Variants in PGBD4 observed in about 807,000 individuals in gnomAD.
PGBD4 encodes the protein piggyBac transposable element derived 4.
PGBD4 carries 1 observed loss-of-function variant against 0.3 expected under a neutral mutation model. The observed-to-expected ratio is 3.72, with a 90% CI of 1.32 to 17.64. The LOEUF (loss-of-function observed/expected upper bound fraction) is 17.64. Among genes scored for constraint, PGBD4 ranks in the 30% most tolerant of loss-of-function variants. PGBD4 has a pLI of 0.11. For synonymous variants in PGBD4, 253 were observed against 267.7 expected, an observed-to-expected ratio of 0.95 and a Z score of 0.54; for missense variants, 624 against 719.7, an observed-to-expected ratio of 0.87 and a Z score of 1.52.
chr15:34,102,857 A>C lies in PGBD4; in HGVS notation c.326A>C (p.Glu109Ala), dbSNP rs752567144. The change falls in exon 1 of 1, where the codon GAA becomes GCA. Residue 109 changes from glutamate to alanine, a missense_variant. Transcript: ENST00000397766. The surrounding 1 kb of genome is among the most constrained non-coding windows in gnomAD (Gnocchi z 4.7). ...ATCACTGACCCATTGCAGTATTTTG[A>C]ACTGTTCTTTACTGAGGAATTAGTT... ...SDITDPLQYFELFFTEELVSK... is the reference protein window; with the variant it reads ...SDITDPLQYFALFFTEELVSK... 3 of 1,614,174 alleles carry C rather than the reference A, an allele frequency of 1.9e-6. No individual in the cohort carries two copies. In the Admixed American group the frequency reaches 5.0e-5, roughly 27 times the overall value.
Position 34,103,645 on chromosome 15 carries a change from G to A in PGBD4, c.1114G>A (p.Gly372Arg), listed in dbSNP as rs1359466459. 10 of 1,614,186 alleles carry A rather than the reference G, an allele frequency of 6.2e-6. No homozygotes were observed. Among genetic ancestry groups the A allele is most frequent in the Non-Finnish European group, 8.5e-6 (10 of 1,180,038 alleles). The change falls in exon 1 of 1, where the codon GGG becomes AGG. Residue 372 changes from glycine (G) to arginine (R), a missense_variant. Coordinates refer to ENST00000397766, the MANE Select transcript of PGBD4 (RefSeq NM_152595.5). The surrounding 1 kb of genome is among the most constrained non-coding windows in gnomAD (Gnocchi z 4.6). ...TGATCTGAAAAAAAGGATTGCAAAG[G>A]GGACGACTGTAGCCAGATTCTGTGG... ...PNDLKKRIAK[G>R]TTVARFCGEL...
chr15:34,104,526 CCA>C lies in PGBD4; in HGVS notation c.*238_*239del. 5 of 530,304 alleles carry C rather than the reference CCA, an allele frequency of 9.4e-6. No individual in the cohort carries two copies. The highest frequency in any genetic ancestry group is 4.8e-5 in the South Asian group (2 of 41,444). 32.8% of individuals were successfully genotyped at this position (530,304 alleles called of 1,614,324 possible). A position where few individuals can be genotyped will look rare whatever the true frequency, so the allele number is the denominator to read the frequency against. On this transcript the variant is annotated 3_prime_UTR_variant, in exon 1 of 1. Coordinates refer to ENST00000397766, the MANE Select transcript of PGBD4 (RefSeq NM_152595.5). Reference sequence around the variant, plus strand: ...GCTGAGGCAGGAGAATTGCTTGAACCCATGAGGCGGAGGTTGCAGTGAGCTGA... The same window carrying C: ...GCTGAGGCAGGAGAATTGCTTGAACCTGAGGCGGAGGTTGCAGTGAGCTGA...
chr15:34,102,550 C>A lies in PGBD4; in HGVS notation c.19C>A (p.Arg7Ser). ...CGCTGAAATGTCAAATCCTAGAAAA[C>A]GTAGCATTCCTATGCGTGATAGTAA... MSNPRKRSIPMRDSNTG... is the reference protein window; with the variant it reads MSNPRKSSIPMRDSNTG... Residue 7 changes from arginine to serine, a missense_variant, in exon 1 of 1, where the codon CGT becomes AGT. Physicochemically the swap from Arg to Ser is moderately radical, Grantham distance 110 (BLOSUM62 -1). Transcript: ENST00000397766. This position sits in a 1 kb window ranked among gnomAD's most constrained non-coding sequence, Gnocchi z 4.7. The A allele has an allele frequency of 6.5e-7, 1 of 1,537,444 alleles. No individual in the cohort carries two copies. The highest frequency in any genetic ancestry group is 8.8e-7 in the Non-Finnish European group (1 of 1,141,134).
Position 34,104,315 on chromosome 15 carries a change from C to CA in PGBD4, c.*26_*27insA. On this transcript the variant is annotated 3_prime_UTR_variant, in exon 1 of 1. Transcript: ENST00000397766. The stretch of plus-strand genomic sequence containing the variant: ...ATACCGATCATCATACACATCTGTT[C>CA]CATTAGGATTAGAGACAAGTTCTGT... 6.3e-7 allele frequency: 1 copy of CA among 1,584,274 alleles called. No individual in the cohort carries two copies. Among genetic ancestry groups the CA allele is most frequent in the South Asian group, 1.2e-5 (1 of 86,080 alleles).
Position 34,104,644 on chromosome 15 carries a change from TTTTG to T in PGBD4, c.*359_*362del. On this transcript the variant is annotated 3_prime_UTR_variant, in exon 1 of 1. Coordinates refer to ENST00000397766, the MANE Select transcript of PGBD4 (RefSeq NM_152595.5). ...TCCAAGAACAGTTTTGTTGTTTTTGTTTTGTTTTGTTTTGTTTTGAGACGGAGTT... is the reference window on the plus strand; with the variant it reads ...TCCAAGAACAGTTTTGTTGTTTTTGTTTTTGTTTTGTTTTGAGACGGAGTT... The T allele has an allele frequency of 5.6e-6, 1 of 178,220 alleles. No individual in the cohort carries two copies. The highest frequency in any genetic ancestry group is 1.2e-5 in the Non-Finnish European group (1 of 85,472). The allele number at this position is 178,220 out of a possible 1,614,324, so 11.0% of individuals were successfully genotyped here.
rs1176551134 is a variant in PGBD4, at chr15:34,104,147, G to C, written c.1616G>C (p.Gly539Ala). 6.2e-7 allele frequency: 1 copy of C among 1,614,202 alleles called. No individual in the cohort carries two copies. The highest frequency in any genetic ancestry group is 1.1e-5 in the South Asian group (1 of 91,088). ...PATSGKQNPT[G>A]RCKICCSQYD... ...ACGTCCGGGAAACAGAATCCAACTGGTCGCTGCAAAATTTGCTGCTCCCAA... is the reference window on the plus strand; with the variant it reads ...ACGTCCGGGAAACAGAATCCAACTGCTCGCTGCAAAATTTGCTGCTCCCAA... The change falls in exon 1 of 1, where the codon GGT (glycine) becomes GCT (alanine). Residue 539 changes from glycine to alanine, a missense_variant. Coordinates refer to ENST00000397766, the MANE Select transcript of PGBD4 (RefSeq NM_152595.5).
chr15:34,104,314 T>A lies in PGBD4; in HGVS notation c.*25T>A. 6.3e-7 allele frequency: 1 copy of A among 1,584,892 alleles called. No individual in the cohort carries two copies. Among genetic ancestry groups the A allele is most frequent in the South Asian group, 1.2e-5 (1 of 86,176 alleles). Reference sequence around the variant, plus strand: ...AATACCGATCATCATACACATCTGTTCCATTAGGATTAGAGACAAGTTCTG... The same window carrying A: ...AATACCGATCATCATACACATCTGTACCATTAGGATTAGAGACAAGTTCTG... On this transcript the variant is annotated 3_prime_UTR_variant, in exon 1 of 1. Coordinates refer to ENST00000397766, the MANE Select transcript of PGBD4 (RefSeq NM_152595.5).
rs780161773 is a variant in PGBD4 at position 34,103,883 on chromosome 15, G to T, written c.1352G>T (p.Trp451Leu). The change falls in exon 1 of 1, where the codon TGG (tryptophan) becomes TTG (leucine). Residue 451 changes from tryptophan (W) to leucine (L), a missense_variant. Transcript: ENST00000397766. This position sits in a 1 kb window ranked among gnomAD's most constrained non-coding sequence, Gnocchi z 4.6. ...YPSERKRHKVWYKKFFHHLLH... is the reference protein window; with the variant it reads ...YPSERKRHKVLYKKFFHHLLH... The stretch of plus-strand genomic sequence containing the variant: ...TCTGAGCGCAAAAGACACAAGGTTT[G>T]GTATAAGAAATTCTTTCACCATCTT... 4 of 1,613,834 alleles carry T rather than the reference G, an allele frequency of 2.5e-6. No homozygotes were observed. The highest frequency in any genetic ancestry group is 1.3e-5 in the African/African-American group (1 of 74,866).
rs1257412519 is a variant in PGBD4 at position 34,104,189 on chromosome 15, A to G, written c.1658A>G (p.Lys553Arg). 5 of 1,614,272 alleles carry G rather than the reference A, an allele frequency of 3.1e-6. No individual in the cohort carries two copies. The South Asian group carries it at 4.4e-5, about 14-fold the overall frequency. ...ICCSQYDKDG[K>R]KIRKETRYFC... ...TGCTCCCAATACGACAAGGATGGCA[A>G]GAAGATCCGGAAAGAAACGCGCTAT... Residue 553 changes from lysine (K) to arginine (R), a missense_variant, in exon 1 of 1, where the codon AAG (lysine) becomes AGG (arginine). By Grantham distance (26) the Lys-to-Arg change is conservative. Coordinates refer to ENST00000397766, the MANE Select transcript of PGBD4 (RefSeq NM_152595.5).
chr15:34,103,209 C>T lies in PGBD4; in HGVS notation c.678C>T (p.Ile226=). ...QSKAQISLQK[I]KPVFDFLVNK... is the part of the protein sequence containing the mutation. ...AGGCCCAGATTTCATTGCAGAAGAT[C>T]AAACCTGTGTTCGACTTTCTTGTAA... The change falls in exon 1 of 1, where the codon ATC becomes ATT. Residue 226 remains isoleucine, a synonymous_variant. Coordinates refer to ENST00000397766, the MANE Select transcript of PGBD4 (RefSeq NM_152595.5). The surrounding 1 kb of genome is among the most constrained non-coding windows in gnomAD (Gnocchi z 4.6). 1 of 1,614,080 alleles carries T rather than the reference C, an allele frequency of 6.2e-7. No individual in the cohort carries two copies. The highest frequency in any genetic ancestry group is 8.5e-7 in the Non-Finnish European group (1 of 1,180,034).
At position 34,103,401 on chromosome 15, in the gene PGBD4, T is replaced by A; in HGVS notation, c.870T>A (p.Asn290Lys). The change falls in exon 1 of 1, where the codon AAT becomes AAA. Residue 290 changes from asparagine to lysine, a missense_variant. Physicochemically the swap from Asn to Lys is moderately conservative, Grantham distance 94. Coordinates refer to ENST00000397766, the MANE Select transcript of PGBD4 (RefSeq NM_152595.5). The surrounding 1 kb of genome is among the most constrained non-coding windows in gnomAD (Gnocchi z 4.6). The part of the protein sequence containing the change: ...LCESQSGYVW[N>K]ALVHTGPGMN... ...AAAGTCAGTCTGGTTATGTGTGGAA[T>A]GCGCTTGTTCACACAGGGCCTGGCA... 2.5e-6 allele frequency: 4 copies of A among 1,614,252 alleles called. No individual in the cohort carries two copies. Among genetic ancestry groups the A allele is most frequent in the South Asian group, 1.1e-5 (1 of 91,092 alleles).
Position 34,104,539 on chromosome 15 carries a change from G to T in PGBD4, c.*250G>T, listed in dbSNP as rs1365998221. The T allele has an allele frequency of 2.0e-6, 1 of 494,952 alleles. No homozygotes were observed. The highest frequency in any genetic ancestry group is 1.9e-5 in the African/African-American group (1 of 51,330). 30.7% of individuals were successfully genotyped at this position (494,952 alleles called of 1,614,324 possible). ...AATTGCTTGAACCCATGAGGCGGAG[G>T]TTGCAGTGAGCTGAGATCACACCAC... is the stretch of plus-strand genomic sequence containing the variant. On this transcript the variant is annotated 3_prime_UTR_variant, in exon 1 of 1. Transcript: ENST00000397766.
Position 34,105,788 on chromosome 15 carries a change from T to G in PGBD4, c.*1499T>G, listed in dbSNP as rs1333908566. Reference sequence around the variant, plus strand: ...AAGGTTTATTTTCATTCTTTTTACTTTAAAATATGCCTTAGTTTTTGAATA... The same window carrying G: ...AAGGTTTATTTTCATTCTTTTTACTGTAAAATATGCCTTAGTTTTTGAATA... On this transcript the variant is annotated 3_prime_UTR_variant, in exon 1 of 1. Coordinates refer to ENST00000397766, the MANE Select transcript of PGBD4 (RefSeq NM_152595.5). 6.0e-6 allele frequency: 1 copy of G among 166,986 alleles called. No individual in the cohort carries two copies. The highest frequency in any genetic ancestry group is 2.4e-5 in the African/African-American group (1 of 41,436). The allele number at this position is 166,986 out of a possible 1,614,324, so 10.3% of individuals were successfully genotyped here. A position where few individuals can be genotyped will look rare whatever the true frequency, so the allele number is the denominator to read the frequency against.
chr15:34,103,648 A>T lies in PGBD4; in HGVS notation c.1117A>T (p.Thr373Ser), dbSNP rs138899089. 3.1e-6 allele frequency: 5 copies of T among 1,614,098 alleles called. No individual in the cohort carries two copies. The highest frequency in any genetic ancestry group is 4.2e-6 in the Non-Finnish European group (5 of 1,180,050). ...TCTGAAAAAAAGGATTGCAAAGGGG[A>T]CGACTGTAGCCAGATTCTGTGGTGA... ...NDLKKRIAKGTTVARFCGELM... is the reference protein window; with the variant it reads ...NDLKKRIAKGSTVARFCGELM... Residue 373 changes from threonine (T) to serine (S), a missense_variant, in exon 1 of 1, where the codon ACG becomes TCG. Thr to Ser is a moderately conservative substitution (Grantham distance 58). Transcript: ENST00000397766. This position sits in a 1 kb window ranked among gnomAD's most constrained non-coding sequence, Gnocchi z 4.6.
In PGBD4 at chr15:34,103,730, A is replaced by C; in HGVS notation, c.1199A>C (p.His400Pro). 6.2e-7 allele frequency: 1 copy of C among 1,614,222 alleles called. No homozygotes were observed. Among genetic ancestry groups the C allele is most frequent in the Non-Finnish European group, 8.5e-7 (1 of 1,180,018 alleles). Residue 400 changes from histidine (H) to proline (P), a missense_variant, in exon 1 of 1, where the codon CAC (histidine) becomes CCC (proline). Coordinates refer to ENST00000397766, the MANE Select transcript of PGBD4 (RefSeq NM_152595.5). The surrounding 1 kb of genome is among the most constrained non-coding windows in gnomAD (Gnocchi z 4.6). ...GAGGTGACAATGTTGTCAACATTCC[A>C]CAATGATACTGTGATTGAAGTAAAC... ...GKEVTMLSTFHNDTVIEVNNR... is the reference protein window; with the variant it reads ...GKEVTMLSTFPNDTVIEVNNR...
chr15:34,102,874 G>A lies in PGBD4; in HGVS notation c.343G>A (p.Glu115Lys). The change falls in exon 1 of 1, where the codon GAA (glutamate) becomes AAA (lysine). Residue 115 changes from glutamate to lysine, a missense_variant. Physicochemically the swap from Glu to Lys is moderately conservative, Grantham distance 56. Transcript: ENST00000397766. The surrounding 1 kb of genome is among the most constrained non-coding windows in gnomAD (Gnocchi z 4.7). ...GTATTTTGAACTGTTCTTTACTGAG[G>A]AATTAGTTTCAAAAATTACTAGAGA... ...LQYFELFFTE[E>K]LVSKITRETN... 2 of 1,614,142 alleles carry A rather than the reference G, an allele frequency of 1.2e-6. No individual in the cohort carries two copies. The highest frequency in any genetic ancestry group is 1.7e-6 in the Non-Finnish European group (2 of 1,180,036).
rs1429793660 is a variant in PGBD4 at position 34,108,579 on chromosome 15, T to A, written c.*4290T>A. ...AAAGGATTATAATGTGCTACAGCCC[T>A]CTGACCATTACACTTTCTAAACTAT... On this transcript the variant is annotated 3_prime_UTR_variant, in exon 1 of 1. Transcript: ENST00000397766. 1.3e-5 allele frequency: 2 copies of A among 152,166 alleles called. No individual in the cohort carries two copies. Among genetic ancestry groups the A allele is most frequent in the African/African-American group, 2.4e-5 (1 of 41,450 alleles). The allele number at this position is 152,166 out of a possible 1,614,324, so 9.4% of individuals were successfully genotyped here. A position where few individuals can be genotyped will look rare whatever the true frequency, so the allele number is the denominator to read the frequency against.
Position 34,104,293 on chromosome 15 carries a change from C to T in PGBD4, c.*4C>T. 1 of 1,606,968 alleles carries T rather than the reference C, an allele frequency of 6.2e-7. No individual in the cohort carries two copies. The highest frequency in any genetic ancestry group is 8.5e-7 in the Non-Finnish European group (1 of 1,175,876). ...CCACACGAAAAAAAATTATTAAATA[C>T]CGATCATCATACACATCTGTTCCAT... On this transcript the variant is annotated 3_prime_UTR_variant, in exon 1 of 1. Coordinates refer to ENST00000397766, the MANE Select transcript of PGBD4 (RefSeq NM_152595.5).
At position 34,105,115 on chromosome 15, in the gene PGBD4, A is replaced by C. The variant is rs2140875346; in HGVS notation, c.*826A>C. 1 of 167,204 alleles carries C rather than the reference A, an allele frequency of 6.0e-6. No individual in the cohort carries two copies. Among genetic ancestry groups the C allele is most frequent in the South Asian group, 2.1e-4 (1 of 4,826 alleles). The allele number at this position is 167,204 out of a possible 1,614,324, so 10.4% of individuals were successfully genotyped here. A position where few individuals can be genotyped will look rare whatever the true frequency, so the allele number is the denominator to read the frequency against. On this transcript the variant is annotated 3_prime_UTR_variant, in exon 1 of 1. Transcript: ENST00000397766. The stretch of plus-strand genomic sequence containing the variant: ...ACTGTCTCTGAACAAAAATAGCTGG[A>C]AAAACACATAACTGTTAACTAAGGG...
Sources: allele counts gnomAD v4.1 joint callset, GRCh38; gene constraint gnomAD v4.1.1; non-coding constraint Gnocchi (gnomAD v3.1); transcripts MANE v1.5; gene names NCBI Gene and HGNC (gene_info 2026-07-23, HGNC 2026-07-21).